Variants in PCDH11X observed in about 807,000 individuals in gnomAD.
PCDH11X encodes protocadherin-11 X-linked.
In PCDH11X, 18 loss-of-function variants were observed where a neutral mutation model predicts 53.3. The ratio of observed to expected loss-of-function variants is 0.34; its 90% CI spans 0.23 to 0.50. The LOEUF is 0.50. PCDH11X is among the 20% of genes least tolerant of loss of function. The probability of loss-of-function intolerance (pLI) is 0.98; values close to 1 mark genes in which losing one functional copy is unlikely to be tolerated. For synonymous variants in PCDH11X, 279 were observed against 393.3 expected (o/e 0.71, Z 3.44); for missense variants, 570 against 1,032.4 (o/e 0.55, Z 6.14).
Position 91,876,965 on chromosome X carries a change from C to A in PCDH11X, c.725C>A (p.Thr242Lys). 8.3e-7 allele frequency: 1 copy of A among 1,210,764 alleles called. No individual in the cohort carries two copies. The highest frequency in any genetic ancestry group is 1.1e-6 in the Non-Finnish European group (1 of 895,246). ...TAILQVSVTD[T>K]NDNHPVFKET... ...ATTTTGCAAGTGAGTGTTACTGATA[C>A]AAATGACAACCACCCAGTCTTTAAG... The change falls in exon 6 of 11, where the codon ACA (threonine) becomes AAA (lysine). Residue 242 changes from threonine to lysine, a missense_variant. Physicochemically the swap from Thr to Lys is moderately conservative, Grantham distance 78. Coordinates refer to ENST00000682573, the MANE Select transcript of PCDH11X (RefSeq NM_032968.5).
chrX:92,400,294 T>G (rs1283217239), intron 9 of PCDH11X, among the ~76,000 whole-genome samples: 1 of 111,550 alleles, frequency 9.0e-6, no homozygotes, highest in East Asian at 2.8e-4. Context: ...TGATTCCTAT[T>G]AACTCAAGCA....
At chrX:92,332,714 A>G (rs1307883076) in intron 8 of PCDH11X, among the ~76,000 whole-genome samples, 1 of 101,855 alleles carries the variant, frequency 9.8e-6, no homozygotes, top group African/African-American at 3.6e-5. Flanking sequence ...AAATGTAGTT[A>G]CTAAAACAGC....
intron 6 of PCDH11X, among the ~76,000 whole-genome samples, chrX:91,907,199 A>C (rs921953640): frequency 3.7e-5 from 4 of 109,179 alleles, no homozygotes; most frequent in Non-Finnish European, 7.6e-5. Context: ...ATTCTAAGAC[A>C]TAAGCAGTTA....
chrX:92,451,421 C>T (rs2072776964), intron 9 of PCDH11X, among the ~76,000 whole-genome samples: 1 of 110,480 alleles, frequency 9.1e-6, no homozygotes, highest in Non-Finnish European at 1.9e-5. Flanking sequence ...GGAGTGTAGC[C>T]TGGAAATAAT....
At chrX:91,849,144 A>G (rs12855705) in intron 5 of PCDH11X, among the ~76,000 whole-genome samples, 35,981 of 110,446 alleles carry the variant, frequency 0.33, 4,903 homozygotes, top group African/African-American at 0.52. Flanking sequence ...AGTTAAATAC[A>G]AGATGTGGTA....
intron 10 of PCDH11X, among the ~76,000 whole-genome samples, chrX:92,568,856 A>G (rs1921849225): frequency 9.0e-6 from 1 of 111,132 alleles, no homozygotes; most frequent in Admixed American, 9.7e-5. Flanking sequence ...ACGCTACTGC[A>G]TTGTTATCAA....
At chrX:92,488,089 C>A (rs1029250439) in intron 10 of PCDH11X, among the ~76,000 whole-genome samples, 59 of 111,173 alleles carry the variant, frequency 5.3e-4, no homozygotes, top group Non-Finnish European at 9.8e-4. Context: ...GCATATGCCA[C>A]CACTCCTGGA....
chrX:91,867,276 A>G (rs903795200), intron 5 of PCDH11X, among the ~76,000 whole-genome samples: 1 of 111,848 alleles, frequency 8.9e-6, no homozygotes, highest in African/African-American at 3.2e-5. Flanking sequence ...GATCCCAAAC[A>G]TAACTTAAAT....
chrX:92,176,453 G>A (rs137882714), intron 6 of PCDH11X, among the ~76,000 whole-genome samples: 2,657 of 111,712 alleles, frequency 0.024, 79 homozygotes, highest in African/African-American at 0.081. Context: ...TTAATTCAGT[G>A]TGCAATATAG....
chrX:92,351,182 A>C (rs1156382161), intron 8 of PCDH11X, among the ~76,000 whole-genome samples: 2 of 111,871 alleles, frequency 1.8e-5, no homozygotes, highest in Non-Finnish European at 3.8e-5. Context: ...TCAAGAACTA[A>C]AATTACTTCT....
chrX:91,805,692 C>T (rs1602869377), intron 1 of PCDH11X, among the ~76,000 whole-genome samples: 2 of 107,225 alleles, frequency 1.9e-5, no homozygotes, highest in African/African-American at 6.9e-5. Context: ...CTCACAGTGA[C>T]ACGTGCACCT....
intron 6 of PCDH11X, among the ~76,000 whole-genome samples, chrX:91,884,726 T>C (rs1940120211): frequency 9.0e-6 from 1 of 111,721 alleles, no homozygotes; most frequent in Non-Finnish European, 1.9e-5. Context: ...ACTAACAGAA[T>C]TTTTTAAAAT....
intron 6 of PCDH11X, among the ~76,000 whole-genome samples, chrX:92,121,008 C>G (rs761208111): frequency 2.0e-4 from 22 of 107,643 alleles, no homozygotes; most frequent in African/African-American, 7.4e-4. Context: ...GTTTTATTCT[C>G]TTAGTAGTAT....
At chrX:92,497,442 A>G (rs1489037748) in intron 10 of PCDH11X, among the ~76,000 whole-genome samples, 2 of 109,768 alleles carry the variant, frequency 1.8e-5, no homozygotes, top group Non-Finnish European at 3.8e-5. Context: ...CATATTCCCC[A>G]CTAGACTGGA....
chrX:92,105,624 G>A lies in PCDH11X; in HGVS notation c.3034-95751G>A, dbSNP rs749184910. On this transcript the variant is annotated intron_variant, in intron 6 of 10. Coordinates refer to ENST00000682573, the MANE Select transcript of PCDH11X (RefSeq NM_032968.5). ...AGTCAAAGGGGGTTTGTTCTCTGGC[G>A]GGTAGGAGTGGGGGTCGCAAGGTGC... Among the ~76,000 whole-genome samples, 81 of 107,294 alleles carry A rather than the reference G, an allele frequency of 7.5e-4. 1 individual carries two copies. Among genetic ancestry groups the A allele is most frequent in the Non-Finnish European group, 1.5e-3 (77 of 51,877 alleles). 93.2% of individuals were successfully genotyped at this position (107,294 alleles called of 115,157 possible). A position where few individuals can be genotyped will look rare whatever the true frequency, so the allele number is the denominator to read the frequency against.
At chrX:92,086,714 C>T (rs187403756) in intron 6 of PCDH11X, among the ~76,000 whole-genome samples, 4 of 110,541 alleles carry the variant, frequency 3.6e-5, no homozygotes, top group Admixed American at 2.0e-4. Context: ...AGAAAGACAA[C>T]GACCCAGATG....
chrX:92,435,510 A>C (rs944826308), intron 9 of PCDH11X, among the ~76,000 whole-genome samples: 1 of 111,372 alleles, frequency 9.0e-6, no homozygotes, highest in Non-Finnish European at 1.9e-5. Flanking sequence ...GGTCAAAATG[A>C]AAGAAAGAAT....
At chrX:91,912,743 C>T (rs925867183) in intron 6 of PCDH11X, among the ~76,000 whole-genome samples, 94 of 108,683 alleles carry the variant, frequency 8.6e-4, no homozygotes, top group Non-Finnish European at 1.5e-3. Flanking sequence ...TGTGTGGGGA[C>T]TCACACTGTG....
At chrX:92,032,745 A>C (rs1409383033) in intron 6 of PCDH11X, among the ~76,000 whole-genome samples, 2 of 106,623 alleles carry the variant, frequency 1.9e-5, no homozygotes, top group Admixed American at 2.1e-4. Context: ...ATGATCATGT[A>C]GTTTTGTCCT....
Sources: allele counts gnomAD v4.1 joint callset (sites outside exome capture counted in the v4.1 genomes callset), GRCh38; gene constraint gnomAD v4.1.1; transcripts MANE v1.5; gene names NCBI Gene and HGNC (gene_info 2026-07-23, HGNC 2026-07-21).